The following SEC23A variants were observed in gnomAD, a reference collection of about 807,000 sequenced individuals.
The protein encoded by SEC23A is SEC23 homolog A, COPII component.
In SEC23A, 56 loss-of-function variants were observed where a neutral mutation model predicts 103.7. The observed-to-expected ratio is 0.54, with a 90% confidence interval of 0.44 to 0.67. The LOEUF (loss-of-function observed/expected upper bound fraction) is 0.67, where lower values mean the gene tolerates loss of function less well. SEC23A is among the 30% of genes least tolerant of loss of function. The pLI is 0.00. For missense variants in SEC23A, 784 were observed against 936.4 expected, an observed-to-expected ratio of 0.84 and a Z score of 2.12; for synonymous variants, 281 against 293.0, an observed-to-expected ratio of 0.96 and a Z score of 0.42.
intron 17 of SEC23A, 104 bp downstream of exon 17, chr14:39,042,682 A>T (rs1885686679): frequency 1.3e-6 from 1 of 747,596 alleles, no homozygotes; most frequent in Non-Finnish European, 2.3e-6. Context: ...ATGGAAATCA[A>T]AGTTTATCAT....
intron 17 of SEC23A, among the ~76,000 whole-genome samples, chr14:39,041,641 G>C (rs1044505566): frequency 6.6e-6 from 1 of 151,784 alleles, no homozygotes; most frequent in African/African-American, 2.4e-5. Context: ...AAGCCAACAC[G>C]GGCGGATCAC....
intron 14 of SEC23A, among the ~76,000 whole-genome samples, chr14:39,050,629 A>G (rs1476600170): frequency 2.0e-5 from 3 of 152,202 alleles, no homozygotes; most frequent in East Asian, 1.9e-4. Context: ...TCAGCCATCA[A>G]TTTTAAGTTG....
At chr14:39,066,008 A>AAAC (rs1555328319) in intron 10 of SEC23A, among the ~76,000 whole-genome samples, 5 of 31,916 alleles carry the variant, frequency 1.6e-4, no homozygotes, top group Non-Finnish European at 3.9e-4. Context: ...AAAAAAAAAA[A>AAAC]AAAAAAAAAA....
intron 5 of SEC23A, chr14:39,087,513 G>C (rs1375085123): frequency 3.6e-5 from 6 of 165,596 alleles, no homozygotes; most frequent in African/African-American, 1.4e-4. Flanking sequence ...GGAGTTATAA[G>C]GCTCACGTAC....
At chr14:39,099,385 T>C (rs1038226947) in intron 1 of SEC23A, among the ~76,000 whole-genome samples, 2 of 151,926 alleles carry the variant, frequency 1.3e-5, no homozygotes, top group African/African-American at 2.4e-5. Flanking sequence ...ATCTCAATTG[T>C]CTGACCTCGT....
At chr14:39,067,139 T>C (rs372656428) in intron 10 of SEC23A, 34 bp downstream of exon 10, 3 of 1,612,378 alleles carry the variant, frequency 1.9e-6, no homozygotes, top group African/African-American at 1.3e-5. Flanking sequence ...TGTCTTTTGA[T>C]AACATATCGC....
chr14:39,052,069 C>T (rs938329397), intron 14 of SEC23A, among the ~76,000 whole-genome samples: 9 of 151,776 alleles, frequency 5.9e-5, no homozygotes, highest in African/African-American at 2.2e-4. Flanking sequence ...GAAAAGCAAA[C>T]ACCACATGCT....
At chr14:39,081,870 T>C (rs1022564701) in intron 7 of SEC23A, among the ~76,000 whole-genome samples, 1 of 152,200 alleles carries the variant, frequency 6.6e-6, no homozygotes, top group Non-Finnish European at 1.5e-5. Context: ...TATATGCACA[T>C]ACATCTTCTT....
In SEC23A at chr14:39,091,568, C is replaced by G; in HGVS notation, c.512G>C (p.Arg171Thr). ...TALVGLITFG[R>T]MVQVHELGCE... ...TCCAAGTTCATGAACCTGAACCATTCTCCCAAAAGTAATAAGTCCAACCAA... is the reference window on the plus strand; with the variant it reads ...TCCAAGTTCATGAACCTGAACCATTGTCCCAAAAGTAATAAGTCCAACCAA... The change falls in exon 5 of 20, where the codon AGA becomes ACA. Residue 171 changes from arginine (R) to threonine (T), a missense_variant. Arg to Thr is a moderately conservative substitution (Grantham distance 71, BLOSUM62 -1). Coordinates refer to ENST00000307712, the MANE Select transcript of SEC23A (RefSeq NM_006364.4). The G allele has an allele frequency of 6.2e-7, 1 of 1,614,014 alleles. No homozygotes were observed. The highest frequency in any genetic ancestry group is 8.5e-7 in the Non-Finnish European group (1 of 1,179,992).
chr14:39,056,476 CTT>C (rs532329340), intron 13 of SEC23A, among the ~76,000 whole-genome samples: 45 of 142,746 alleles, frequency 3.2e-4, no homozygotes, highest in South Asian at 6.7e-4. Flanking sequence ...GACAAATTAG[CTT>C]TTTTTTTTTT....
chr14:39,085,654 A>G (rs1394473867), intron 7 of SEC23A, 108 bp downstream of exon 7: 5 of 1,385,438 alleles, frequency 3.6e-6, no homozygotes, highest in Non-Finnish European at 5.0e-6. Flanking sequence ...GAGGAAAAAA[A>G]GCACTTTGGT....
At chr14:39,085,930 A>C in intron 6 of SEC23A, 24 bp from the exon 7 acceptor site, 1 of 1,604,420 alleles carries the variant, frequency 6.2e-7, no homozygotes. Flanking sequence ...TTAAATAAAA[A>C]GCCATTTGTA....
At chr14:39,042,920 T>G in intron 16 of SEC23A, 48 bp from the exon 17 acceptor site, 1 of 1,026,376 alleles carries the variant, frequency 9.7e-7, no homozygotes, top group Non-Finnish European at 1.5e-6. Context: ...AAAAATAATC[T>G]ACTCAATAAT....
intron 7 of SEC23A, among the ~76,000 whole-genome samples, chr14:39,077,490 C>T (rs1415095260): frequency 6.6e-6 from 1 of 150,708 alleles, no homozygotes; most frequent in Non-Finnish European, 1.5e-5. Context: ...TGCAGTGAGC[C>T]GAGATTGTGC....
chr14:39,083,060 G>C (rs1887281667), intron 7 of SEC23A, among the ~76,000 whole-genome samples: 1 of 152,160 alleles, frequency 6.6e-6, no homozygotes, highest in Admixed American at 6.5e-5. Flanking sequence ...AATTTTAATA[G>C]TTTTATATTG....
chr14:39,055,842 G>C (rs913455575), intron 13 of SEC23A, among the ~76,000 whole-genome samples: 1 of 152,200 alleles, frequency 6.6e-6, no homozygotes, highest in African/African-American at 2.4e-5. Context: ...AAACCTATGA[G>C]TTTACAGATT....
At chr14:39,076,241 CAA>C in intron 7 of SEC23A, 148 bp from the exon 8 acceptor site, 1 of 764,026 alleles carries the variant, frequency 1.3e-6, no homozygotes, top group Non-Finnish European at 2.1e-6. Flanking sequence ...AATTTAAAAA[CAA>C]AGGTATCTGA....
chr14:39,087,127 G>C (rs1887472741), intron 5 of SEC23A, 119 bp from the exon 6 acceptor site: 1 of 692,328 alleles, frequency 1.4e-6, no homozygotes, highest in Non-Finnish European at 2.6e-6. Flanking sequence ...AAAATACAAG[G>C]TCTCCTTCCT....
intron 19 of SEC23A, among the ~76,000 whole-genome samples, chr14:39,037,843 A>AT (rs1222357483): frequency 1.3e-5 from 2 of 152,202 alleles, no homozygotes; most frequent in African/African-American, 4.8e-5. Flanking sequence ...ATCAAGTCCT[A>AT]TTGAGTCTAC....
Sources: gnomAD v4.1 joint callset for allele counts (sites outside exome capture counted in the v4.1 genomes callset) on GRCh38, gnomAD v4.1.1 for gene constraint, MANE v1.5 for transcripts, NCBI Gene and HGNC (gene_info 2026-07-23, HGNC 2026-07-21) for gene names.